Variants in LZTFL1 observed in about 807,000 individuals in gnomAD.
LZTFL1 encodes leucine zipper transcription factor-like protein 1.
In LZTFL1, 25 loss-of-function variants were observed where a neutral mutation model predicts 45.9. The ratio of observed to expected loss-of-function variants is 0.54; its 90% CI spans 0.40 to 0.76. LZTFL1 has a LOEUF of 0.76. LZTFL1 is among the 30% of genes least tolerant of loss of function. The probability of loss-of-function intolerance (pLI) is 0.00; values close to 1 mark genes in which losing one functional copy is unlikely to be tolerated. For synonymous variants in LZTFL1, 93 were observed against 117.4 expected (o/e 0.79, Z 1.35); for missense variants, 277 against 331.1 (o/e 0.84, Z 1.27).
intron 2 of LZTFL1, among the ~76,000 whole-genome samples, chr3:45,878,679 A>AATTTTTTTAAAAATTTCTTTTCAT (rs1485293212): frequency 6.6e-6 from 1 of 152,212 alleles, no homozygotes; most frequent in Admixed American, 6.5e-5. Flanking sequence ...GTATTTGCAA[A>AATTTTTTTAAAAATTTCTTTTCAT]AGACACATCT....
chr3:45,851,224 G>A (rs996371315), intron 4 of LZTFL1, among the ~76,000 whole-genome samples: 2 of 89,180 alleles, frequency 2.2e-5, no homozygotes, highest in East Asian at 8.9e-4. Context: ...ATTTAGCTGT[G>A]ATTTTTTTTT....
At position 45,901,350 on chromosome 3, in the gene LZTFL1, C is replaced by G. The variant is rs1702550221; in HGVS notation, c.-215+11770G>C. Reference sequence around the variant, plus strand: ...CTGCATCCCAGAAATCTTATACAGCCAAATCAAGGAGGAATCCGGCATTGC... The same window carrying G: ...CTGCATCCCAGAAATCTTATACAGCGAAATCAAGGAGGAATCCGGCATTGC... On this transcript the variant is annotated intron_variant, in intron 2 of 4. Transcript: ENST00000472635. The surrounding 1 kb of genome is among the most constrained non-coding windows in gnomAD (Gnocchi z 4.3). 2 of 1,614,140 alleles carry G rather than the reference C, an allele frequency of 1.2e-6. No individual in the cohort carries two copies. The highest frequency in any genetic ancestry group is 1.7e-6 in the Non-Finnish European group (2 of 1,180,012).
At chr3:45,894,773 C>A in intron 2 of LZTFL1, 1 of 683,070 alleles carries the variant, frequency 1.5e-6, no homozygotes. Context: ...ACTATATAGA[C>A]TCTAACTCCT....
chr3:45,882,907 G>A (rs568220184), intron 2 of LZTFL1, among the ~76,000 whole-genome samples: 2 of 151,826 alleles, frequency 1.3e-5, no homozygotes, highest in African/African-American at 4.8e-5. Flanking sequence ...GAAAATAACA[G>A]TTTATTACTT....
At chr3:45,875,641 G>A (rs1559416215) in intron 2 of LZTFL1, among the ~76,000 whole-genome samples, 1 of 152,248 alleles carries the variant, frequency 6.6e-6, no homozygotes, top group East Asian at 1.9e-4. Context: ...AGGCAACATA[G>A]TGAGACTCTG....
chr3:45,846,272 T>G (rs563263786), upstream of LZTFL1, among the ~76,000 whole-genome samples: 4 of 152,346 alleles, frequency 2.6e-5, no homozygotes, highest in East Asian at 7.7e-4. Context: ...GAATGAATTA[T>G]TTAGTTCTCA....
At chr3:45,846,718 T>C (rs1416095991), upstream of LZTFL1, among the ~76,000 whole-genome samples, 1 of 151,758 alleles carries the variant, frequency 6.6e-6, no homozygotes, top group Non-Finnish European at 1.5e-5. Flanking sequence ...TCATTTTGAA[T>C]AGGTTGAGGA....
intron 1 of LZTFL1, 77 bp downstream of exon 1, chr3:45,841,912 C>G: frequency 6.4e-7 from 1 of 1,555,820 alleles, no homozygotes; most frequent in Non-Finnish European, 8.7e-7. Flanking sequence ...TCATTCCGGG[C>G]CCACCCGCTC....
intron 2 of LZTFL1, among the ~76,000 whole-genome samples, chr3:45,887,751 T>C (rs1487233568): frequency 6.6e-6 from 1 of 152,248 alleles, no homozygotes; most frequent in African/African-American, 2.4e-5. Context: ...CACAGGCTTG[T>C]GTTGGGAGCC....
At chr3:45,893,564 T>C (rs745347066) in intron 2 of LZTFL1, among the ~76,000 whole-genome samples, 4 of 152,252 alleles carry the variant, frequency 2.6e-5, no homozygotes, top group Non-Finnish European at 1.5e-5. Context: ...TCATACAGTA[T>C]GAACTCCCTT....
intron 1 of LZTFL1, chr3:45,913,228 T>A: frequency 3.8e-6 from 5 of 1,303,266 alleles, no homozygotes; most frequent in Non-Finnish European, 5.3e-6. Flanking sequence ...ATTGTTACTA[T>A]TAACAAACCA....
At chr3:45,878,759 A>G (rs1041072811) in intron 2 of LZTFL1, among the ~76,000 whole-genome samples, 18 of 152,164 alleles carry the variant, frequency 1.2e-4, no homozygotes, top group Admixed American at 3.3e-4. Flanking sequence ...AAGCAACCCA[A>G]TTAAAAAACA....
chr3:45,878,877 G>C (rs935838524), intron 2 of LZTFL1, among the ~76,000 whole-genome samples: 1 of 152,178 alleles, frequency 6.6e-6, no homozygotes, highest in African/African-American at 2.4e-5. Flanking sequence ...TCAGGAGTTC[G>C]AGATACTTCA....
chr3:45,905,045 G>A lies in LZTFL1; in HGVS notation c.-215+8075C>T, dbSNP rs770456665. On this transcript the variant is annotated intron_variant, in intron 2 of 4. Transcript: ENST00000472635. The stretch of plus-strand genomic sequence containing the variant: ...TGTGAGGTCTGTTCAGGGGCTCCCC[G>A]TGACTTTGAAAAAAGAGAAGTAATC... Among the ~76,000 whole-genome samples the A allele has an allele frequency of 5.3e-5, 8 of 152,234 alleles. No individual in the cohort carries two copies. In the East Asian group the frequency reaches 5.8e-4, roughly 11 times the overall value.
At chr3:45,890,491 A>G (rs1279770568) in intron 2 of LZTFL1, among the ~76,000 whole-genome samples, 1 of 149,106 alleles carries the variant, frequency 6.7e-6, no homozygotes, top group African/African-American at 2.5e-5. Context: ...CATCTGGGGC[A>G]AAAAAAAGAA....
Position 45,824,260 on chromosome 3 carries a change from A to G in LZTFL1, c.*2054T>C, listed in dbSNP as rs1196552393. On this transcript the variant is annotated 3_prime_UTR_variant, in exon 10 of 10. Transcript: ENST00000296135. ...TAGAAATCCAATATATATATATATG[A>G]AAAAGGCTTTCTTTCTCAGTTAAAT... is the stretch of plus-strand genomic sequence containing the variant. 1 of 151,978 alleles carries G rather than the reference A, an allele frequency of 6.6e-6. No individual in the cohort carries two copies. The highest frequency in any genetic ancestry group is 6.6e-5 in the Admixed American group (1 of 15,258). 9.4% of individuals were successfully genotyped at this position (151,978 alleles called of 1,614,324 possible). A position where few individuals can be genotyped will look rare whatever the true frequency, so the allele number is the denominator to read the frequency against.
At chr3:45,898,099 G>A (rs186126983) in intron 2 of LZTFL1, among the ~76,000 whole-genome samples, 3 of 151,280 alleles carry the variant, frequency 2.0e-5, no homozygotes, top group Admixed American at 2.0e-4. Context: ...TTGCTCATCT[G>A]CATTGTTTTA....
At chr3:45,890,273 T>TATATATATAAATATATATATAAC (rs1702112353) in intron 2 of LZTFL1, among the ~76,000 whole-genome samples, 6 of 20,894 alleles carry the variant, frequency 2.9e-4, no homozygotes, top group Non-Finnish European at 5.9e-4. Flanking sequence ...ATATATAACA[T>TATATATATAAATATATATATAAC]ATATATATAT....
At chr3:45,848,741 A>G (rs1435679249) in intron 4 of LZTFL1, among the ~76,000 whole-genome samples, 1 of 152,176 alleles carries the variant, frequency 6.6e-6, no homozygotes, top group Non-Finnish European at 1.5e-5. Context: ...TGTGGTCTCT[A>G]AGTGTTTCTG....
Sources: gnomAD v4.1 joint callset for allele counts (sites outside exome capture counted in the v4.1 genomes callset) on GRCh38, gnomAD v4.1.1 for gene constraint, Gnocchi (gnomAD v3.1) non-coding constraint, MANE v1.5 for transcripts, NCBI Gene and HGNC (gene_info 2026-07-23, HGNC 2026-07-21) for gene names.